NTM: variants seen among roughly 807,000 people sequenced by gnomAD.
The protein encoded by NTM is neurotrimin.
NTM carries 13 observed loss-of-function variants against 42.1 expected under a neutral mutation model. That is an observed-to-expected ratio of 0.31 (90% CI 0.20 to 0.49). The LOEUF (loss-of-function observed/expected upper bound fraction) is 0.49. Among genes scored for constraint, NTM ranks in the 20% least tolerant of loss-of-function variants. NTM has a pLI of 0.99. For synonymous variants in NTM, 187 were observed against 179.2 expected (o/e 1.04, Z -0.35); for missense variants, 373 against 452.8 (o/e 0.82, Z 1.60).
intron 2 of NTM, among the ~76,000 whole-genome samples, chr11:132,145,043 A>G (rs1432382735): frequency 6.6e-6 from 1 of 152,196 alleles, no homozygotes; most frequent in African/African-American, 2.4e-5. Flanking sequence ...TATGGTCACA[A>G]ACCATTTTGA....
At chr11:132,098,591 A>T (rs1004582826) in intron 2 of NTM, among the ~76,000 whole-genome samples, 5 of 152,224 alleles carry the variant, frequency 3.3e-5, no homozygotes, top group African/African-American at 1.2e-4. Flanking sequence ...CCAATGTCTT[A>T]GCTTTGCCTT....
intron 1 of NTM, among the ~76,000 whole-genome samples, chr11:131,716,460 G>C (rs1056939330): frequency 6.6e-6 from 1 of 152,092 alleles, no homozygotes; most frequent in African/African-American, 2.4e-5. Context: ...TTTCCAAAAT[G>C]GTTGTACCAT....
rs539054491 is a variant in NTM, at chr11:131,751,447, G to A, written c.83-160117G>A. On this transcript the variant is annotated intron_variant, in intron 1 of 8. Coordinates refer to ENST00000683400, the MANE Select transcript of NTM (RefSeq NM_001352005.2). ...CCATTAAAAATACAAAAAATTAGCC[G>A]GGCGCGGTGGCGGGCACCTGTAGTC... Among the ~76,000 whole-genome samples the A allele has an allele frequency of 1.2e-4, 19 of 152,104 alleles. No homozygotes were observed. The East Asian group carries it at 2.1e-3, about 17-fold the overall frequency.
chr11:132,107,234 A>G (rs182722693), intron 2 of NTM, among the ~76,000 whole-genome samples: 1 of 151,948 alleles, frequency 6.6e-6, no homozygotes, highest in Non-Finnish European at 1.5e-5. Context: ...AGTCAGTTTC[A>G]CACAACACAA....
At chr11:132,260,788 C>T (rs1038352059) in intron 4 of NTM, among the ~76,000 whole-genome samples, 7 of 152,184 alleles carry the variant, frequency 4.6e-5, no homozygotes, top group East Asian at 1.9e-4. Flanking sequence ...CTGAATTATC[C>T]GGTGTTGGCA....
At position 132,203,663 on chromosome 11, in the gene NTM, G is replaced by A. The variant is rs185119822; in HGVS notation, c.401-8359G>A. Among the ~76,000 whole-genome samples the A allele has an allele frequency of 2.0e-3, 309 of 152,198 alleles. 2 individuals are homozygous for A. The highest frequency in any genetic ancestry group is 7.1e-3 in the African/African-American group (294 of 41,544). ...TCCCAGCACTTTGGGAGGCTGAGGC[G>A]GGCAGATCACGAGGTCAGGAGATCG... On this transcript the variant is annotated intron_variant, in intron 3 of 8. Transcript: ENST00000683400.
chr11:132,085,539 G>C (rs188487405), intron 2 of NTM, among the ~76,000 whole-genome samples: 16 of 152,304 alleles, frequency 1.1e-4, no homozygotes, highest in African/African-American at 3.1e-4. Flanking sequence ...AACAACATTT[G>C]CATTTTACCA....
intron 1 of NTM, among the ~76,000 whole-genome samples, chr11:131,401,844 A>ATATATATATG (rs1945265596): frequency 2.0e-5 from 2 of 101,082 alleles, no homozygotes; most frequent in African/African-American, 7.8e-5. Flanking sequence ...ATATATATAT[A>ATATATATATG]TATATATATA....
intron 1 of NTM, among the ~76,000 whole-genome samples, chr11:131,759,251 C>G (rs975361709): frequency 6.6e-6 from 1 of 152,130 alleles, no homozygotes; most frequent in Non-Finnish European, 1.5e-5. Flanking sequence ...TTTATAAGAC[C>G]TCTAAAGAAC....
At chr11:131,454,298 T>G (rs1435669741) in intron 1 of NTM, among the ~76,000 whole-genome samples, 1 of 152,252 alleles carries the variant, frequency 6.6e-6, no homozygotes, top group Non-Finnish European at 1.5e-5. Flanking sequence ...CATATTAACC[T>G]ATGTGGGGTT....
At position 131,604,198 on chromosome 11, in the gene NTM, G is replaced by A. The variant is rs188409105; in HGVS notation, c.82+233310G>A. ...TCCTCCTCAATCCTTGTTATGATCT[G>A]TCTTTTTTTACTATAACCTTCCTCG... On this transcript the variant is annotated intron_variant, in intron 1 of 8. Coordinates refer to ENST00000683400, the MANE Select transcript of NTM (RefSeq NM_001352005.2). 2.1e-3 allele frequency among the ~76,000 whole-genome samples: 313 copies of A among 152,202 alleles called. 2 individuals carry two copies. Among genetic ancestry groups the A allele is most frequent in the African/African-American group, 7.4e-3 (307 of 41,558 alleles).
At chr11:132,140,914 C>G (rs533988716) in intron 2 of NTM, 1 of 152,274 alleles carries the variant, frequency 6.6e-6, no homozygotes, top group South Asian at 2.1e-4. Flanking sequence ...CAATTGTGAC[C>G]AGGTGCTGCG....
chr11:131,973,610 A>T (rs571134863), intron 2 of NTM, among the ~76,000 whole-genome samples: 1 of 152,178 alleles, frequency 6.6e-6, no homozygotes, highest in Non-Finnish European at 1.5e-5. Flanking sequence ...TGAGGTCAGG[A>T]GTTCGAGACC....
chr11:131,704,162 A>G (rs960905193), intron 1 of NTM, among the ~76,000 whole-genome samples: 5 of 152,174 alleles, frequency 3.3e-5, no homozygotes, highest in African/African-American at 1.2e-4. Flanking sequence ...GTTCCCACAG[A>G]ACCTGGCTCT....
At position 132,001,147 on chromosome 11, in the gene NTM, A is replaced by G. The variant is rs537271857; in HGVS notation, c.167+89499A>G. On this transcript the variant is annotated intron_variant, in intron 2 of 8. Coordinates refer to ENST00000683400, the MANE Select transcript of NTM (RefSeq NM_001352005.2). ...ATGAGTTTGAGGTTGCTAAAGAAAA[A>G]AAGCGGCATTGTATGATTCCATATC... 8.5e-5 allele frequency among the ~76,000 whole-genome samples: 13 copies of G among 152,316 alleles called. No individual in the cohort carries two copies. The East Asian group carries it at 2.5e-3, about 29-fold the overall frequency.
rs1315268654 is a variant in NTM, at chr11:131,370,777, A to C, written c.-30A>C. 1.3e-6 allele frequency: 2 copies of C among 1,592,462 alleles called. No homozygotes were observed. Among genetic ancestry groups the C allele is most frequent in the Admixed American group, 3.4e-5 (2 of 58,416 alleles). ...GAAAGAAAAAAACCGAACCTGACAA[A>C]AAAGAAGAAAAAGAAGAAGAAAAAA... On this transcript the variant is annotated 5_prime_UTR_variant, in exon 1 of 9. Transcript: ENST00000683400.
At chr11:131,798,597 G>A (rs749520581) in intron 1 of NTM, among the ~76,000 whole-genome samples, 5 of 152,154 alleles carry the variant, frequency 3.3e-5, no homozygotes, top group South Asian at 2.1e-4. Context: ...AAAAGGAGAC[G>A]CAATAAACTT....
At chr11:132,086,222 G>T (rs2059686670) in intron 2 of NTM, among the ~76,000 whole-genome samples, 1 of 151,656 alleles carries the variant, frequency 6.6e-6, no homozygotes, top group Non-Finnish European at 1.5e-5. Context: ...CACTTGGGAG[G>T]CTGAGGCAGG....
intron 7 of NTM, among the ~76,000 whole-genome samples, chr11:132,329,102 C>T (rs1358414306): frequency 2.0e-5 from 3 of 152,134 alleles, no homozygotes; most frequent in Admixed American, 6.5e-5. Context: ...TGCACAAGTA[C>T]GTATTCATCT....
Sources: gnomAD v4.1 joint callset for allele counts (sites outside exome capture counted in the v4.1 genomes callset) on GRCh38, gnomAD v4.1.1 for gene constraint, MANE v1.5 for transcripts, NCBI Gene and HGNC (gene_info 2026-07-23, HGNC 2026-07-21) for gene names.